The following TBC1D22A variants were observed in gnomAD, a reference collection of about 807,000 sequenced individuals.
TBC1D22A encodes putative GTPase activator.
In TBC1D22A, 38 loss-of-function variants were observed where a neutral mutation model predicts 60.2. The observed-to-expected ratio is 0.63, with a 90% CI of 0.49 to 0.83. The LOEUF (loss-of-function observed/expected upper bound fraction) is 0.83, where lower values mean the gene tolerates loss of function less well. TBC1D22A is among the 40% of genes least tolerant of loss of function. The pLI, the probability that TBC1D22A is intolerant of heterozygous loss-of-function variation, is 0.00. For missense variants in TBC1D22A, 628 were observed against 701.0 expected, an observed-to-expected ratio of 0.90 and a Z score of 1.18; for synonymous variants, 302 against 281.7, an observed-to-expected ratio of 1.07 and a Z score of -0.72.
chr22:46,910,395 A>C (rs767443337), intron 7 of TBC1D22A, among the ~76,000 whole-genome samples: 13 of 152,046 alleles, frequency 8.6e-5, no homozygotes, highest in Non-Finnish European at 1.8e-4. Context: ...GCCCAGTAAG[A>C]TTTAGGATTG....
At chr22:46,938,257 T>A (rs1246344546) in intron 8 of TBC1D22A, among the ~76,000 whole-genome samples, 1 of 152,216 alleles carries the variant, frequency 6.6e-6, no homozygotes, top group Non-Finnish European at 1.5e-5. Flanking sequence ...TGTGTTTAGA[T>A]ATGTTTCGAT....
intron 8 of TBC1D22A, among the ~76,000 whole-genome samples, chr22:46,950,649 A>G (rs1266107057): frequency 6.6e-6 from 1 of 152,150 alleles, no homozygotes; most frequent in African/African-American, 2.4e-5. Context: ...AGGAAGTTGC[A>G]AGGAACAACA....
chr22:47,053,001 C>T (rs536820099), intron 11 of TBC1D22A, among the ~76,000 whole-genome samples: 1 of 152,358 alleles, frequency 6.6e-6, no homozygotes, highest in East Asian at 1.9e-4. Flanking sequence ...GCACACTGGC[C>T]TCCCTCTTCT....
chr22:47,077,024 C>T (rs2064256737), intron 11 of TBC1D22A, among the ~76,000 whole-genome samples: 3 of 152,192 alleles, frequency 2.0e-5, no homozygotes, highest in Non-Finnish European at 4.4e-5. Context: ...TGAGTATTGC[C>T]TGTACTTCTG....
chr22:47,035,913 G>A (rs771552646), intron 10 of TBC1D22A, among the ~76,000 whole-genome samples: 15 of 152,226 alleles, frequency 9.9e-5, no homozygotes, highest in Middle Eastern at 3.2e-3. Context: ...CTTCTCGCTT[G>A]TTGCTGAAAT....
intron 11 of TBC1D22A, among the ~76,000 whole-genome samples, chr22:47,070,845 C>T (rs2063957390): frequency 8.0e-6 from 1 of 125,312 alleles, no homozygotes; most frequent in African/African-American, 3.0e-5. Context: ...CCTGACGGTT[C>T]CAGGCTGTTC....
intron 7 of TBC1D22A, among the ~76,000 whole-genome samples, chr22:46,906,772 C>G (rs112802769): frequency 9.9e-5 from 14 of 142,114 alleles, no homozygotes; most frequent in African/African-American, 4.1e-4. Flanking sequence ...CCCAGATGGA[C>G]CCTGAACTGT....
intron 9 of TBC1D22A, among the ~76,000 whole-genome samples, chr22:46,978,999 G>T (rs1346213373): frequency 6.6e-6 from 1 of 152,114 alleles, no homozygotes; most frequent in Non-Finnish European, 1.5e-5. Flanking sequence ...TTTCTTAAAG[G>T]GTAGTTGTGA....
At chr22:47,152,785 C>T (rs1016830566) in intron 12 of TBC1D22A, among the ~76,000 whole-genome samples, 12 of 152,180 alleles carry the variant, frequency 7.9e-5, no homozygotes, top group Non-Finnish European at 1.5e-4. Flanking sequence ...TCGGCCGTGG[C>T]GGCAGAGCAG....
intron 12 of TBC1D22A, among the ~76,000 whole-genome samples, chr22:47,121,653 TA>T (rs1330899513): frequency 1.3e-5 from 2 of 152,220 alleles, no homozygotes; most frequent in Non-Finnish European, 2.9e-5. Flanking sequence ...ACCACGGTGC[TA>T]GCCTGACTTA....
chr22:46,906,217 G>A (rs952537962), intron 7 of TBC1D22A, among the ~76,000 whole-genome samples: 8 of 152,128 alleles, frequency 5.3e-5, no homozygotes, highest in Non-Finnish European at 8.8e-5. Context: ...AATGTAAATC[G>A]TATATGTTTT....
chr22:46,960,696 C>T (rs2073448877), intron 8 of TBC1D22A, among the ~76,000 whole-genome samples: 1 of 152,130 alleles, frequency 6.6e-6, no homozygotes, highest in Non-Finnish European at 1.5e-5. Context: ...CCTGTAATCC[C>T]AGCATTTTTG....
intron 4 of TBC1D22A, among the ~76,000 whole-genome samples, chr22:46,838,640 A>G (rs1418262998): frequency 6.6e-6 from 1 of 152,242 alleles, no homozygotes; most frequent in Admixed American, 6.5e-5. Context: ...TTCCTGATGA[A>G]CATAGATGCA....
intron 9 of TBC1D22A, among the ~76,000 whole-genome samples, chr22:46,983,855 G>A (rs564803043): frequency 2.0e-5 from 3 of 151,954 alleles, no homozygotes; most frequent in South Asian, 4.2e-4. Context: ...GCTATGTTTC[G>A]GGGATGATTT....
At chr22:46,789,109 T>A (rs1348922347) in intron 1 of TBC1D22A, 1 of 170,072 alleles carries the variant, frequency 5.9e-6, no homozygotes, top group Non-Finnish European at 1.3e-5. Context: ...TTTTTTTTCT[T>A]AAGGAATCTT....
intron 12 of TBC1D22A, among the ~76,000 whole-genome samples, chr22:47,170,573 C>T (rs2147232966): frequency 6.6e-6 from 1 of 152,264 alleles, no homozygotes; most frequent in East Asian, 1.9e-4. Flanking sequence ...GGGTGGAAGC[C>T]CAGCAACTGC....
intron 7 of TBC1D22A, among the ~76,000 whole-genome samples, chr22:46,896,656 G>A (rs150984817): frequency 2.1e-4 from 32 of 152,254 alleles, no homozygotes; most frequent in African/African-American, 7.7e-4. Context: ...GATCTGTGTT[G>A]TGTTGTGTTG....
chr22:47,118,743 T>C (rs999704392), intron 12 of TBC1D22A, among the ~76,000 whole-genome samples: 1 of 151,674 alleles, frequency 6.6e-6, no homozygotes, highest in African/African-American at 2.4e-5. Context: ...AGGACCGAGA[T>C]AGATGGCTGA....
intron 9 of TBC1D22A, among the ~76,000 whole-genome samples, chr22:46,979,561 C>T (rs917534340): frequency 3.9e-5 from 6 of 152,202 alleles, no homozygotes; most frequent in African/African-American, 1.4e-4. Flanking sequence ...TGTTCTTCCA[C>T]GTGTTGGTCA....
Sources: gnomAD v4.1 joint callset for allele counts (sites outside exome capture counted in the v4.1 genomes callset) on GRCh38, gnomAD v4.1.1 for gene constraint, MANE v1.5 for transcripts, NCBI Gene and HGNC (gene_info 2026-07-23, HGNC 2026-07-21) for gene names.